Variants in ZFYVE28 observed in about 807,000 individuals in gnomAD.
ZFYVE28 encodes zinc finger FYVE-type containing 28.
ZFYVE28 carries 40 observed loss-of-function variants against 82.1 expected under a neutral mutation model. The observed-to-expected ratio is 0.49, with a 90% CI of 0.38 to 0.63. The LOEUF is 0.63. Among genes scored for constraint, ZFYVE28 ranks in the 30% least tolerant of loss-of-function variants. ZFYVE28 has a pLI of 0.00. For synonymous variants in ZFYVE28, 612 were observed against 546.1 expected (o/e 1.12, Z -1.68); for missense variants, 1,321 against 1,242.1 (o/e 1.06, Z -0.96).
chr4:2,309,100 T>C (rs1034336769), intron 7 of ZFYVE28, among the ~76,000 whole-genome samples: 7 of 152,200 alleles, frequency 4.6e-5, no homozygotes, highest in African/African-American at 1.7e-4. Flanking sequence ...TTAGAGGTGG[T>C]GTCTTTAAGA....
intron 7 of ZFYVE28, among the ~76,000 whole-genome samples, chr4:2,309,927 T>C (rs182195279): frequency 1.3e-5 from 2 of 152,364 alleles, no homozygotes; most frequent in East Asian, 3.9e-4. Flanking sequence ...CAAATGCTTT[T>C]CTTGAATCTT....
At chr4:2,319,854 T>C (rs1474044172) in intron 7 of ZFYVE28, among the ~76,000 whole-genome samples, 4 of 145,076 alleles carry the variant, frequency 2.8e-5, no homozygotes, top group African/African-American at 5.2e-5. Context: ...ACGGTGGGGA[T>C]GGTGGGGACA....
intron 1 of ZFYVE28, among the ~76,000 whole-genome samples, chr4:2,399,435 C>A (rs57114230): frequency 6.6e-6 from 1 of 152,038 alleles, no homozygotes; most frequent in Non-Finnish European, 1.5e-5. Flanking sequence ...TCCCCTACCA[C>A]GCCCCTGACC....
At chr4:2,357,464 T>A (rs981711633) in intron 1 of ZFYVE28, among the ~76,000 whole-genome samples, 2 of 152,172 alleles carry the variant, frequency 1.3e-5, no homozygotes, top group African/African-American at 4.8e-5. Context: ...GCCCAAGGCC[T>A]GCATGAGACC....
intron 7 of ZFYVE28, among the ~76,000 whole-genome samples, chr4:2,306,353 G>A (rs927367348): frequency 6.6e-6 from 1 of 152,236 alleles, no homozygotes; most frequent in African/African-American, 2.4e-5. Flanking sequence ...TTGCAGAGCT[G>A]GGCAGAACTT....
chr4:2,309,355 C>T (rs1013126560), intron 7 of ZFYVE28, among the ~76,000 whole-genome samples: 5 of 152,160 alleles, frequency 3.3e-5, no homozygotes, highest in Non-Finnish European at 7.3e-5. Flanking sequence ...AACCTCCTTG[C>T]TTTATAAATT....
At position 2,409,080 on chromosome 4, in the gene ZFYVE28, A is replaced by AACG. The variant is rs1732236254; in HGVS notation, c.39+9202_39+9204dup. Among the ~76,000 whole-genome samples, 1 of 151,982 alleles carries AACG rather than the reference A, an allele frequency of 6.6e-6. No individual in the cohort carries two copies. Among genetic ancestry groups the AACG allele is most frequent in the Admixed American group, 6.6e-5 (1 of 15,258 alleles). ...TTACGCGGTCTGTGACACAGCCCTG[A>AACG]ACGCCCCTGGCCCCCCACCCTCACA... On this transcript the variant is annotated intron_variant, in intron 1 of 12. Coordinates refer to ENST00000290974, the MANE Select transcript of ZFYVE28 (RefSeq NM_020972.3). This position sits in a 1 kb window ranked among gnomAD's most constrained non-coding sequence, Gnocchi z 4.4.
chr4:2,302,519 T>C (rs1715712003), intron 8 of ZFYVE28, among the ~76,000 whole-genome samples: 1 of 152,198 alleles, frequency 6.6e-6, no homozygotes, highest in South Asian at 2.1e-4. Context: ...GGAACCCACA[T>C]CCACAGCTGC....
chr4:2,356,142 T>C (rs1725276069), intron 1 of ZFYVE28, among the ~76,000 whole-genome samples: 1 of 152,140 alleles, frequency 6.6e-6, no homozygotes, highest in African/African-American at 2.4e-5. Context: ...CCCAGACCCC[T>C]GGGGTGGGGA....
intron 6 of ZFYVE28, among the ~76,000 whole-genome samples, chr4:2,322,439 G>C (rs1719227404): frequency 6.6e-6 from 1 of 152,092 alleles, no homozygotes; most frequent in Non-Finnish European, 1.5e-5. Flanking sequence ...TGGTGAGCCT[G>C]GCAGGCTGGA....
At chr4:2,334,456 G>A (rs932496517) in intron 6 of ZFYVE28, among the ~76,000 whole-genome samples, 5 of 151,862 alleles carry the variant, frequency 3.3e-5, no homozygotes, top group African/African-American at 7.3e-5. Flanking sequence ...CCACCGCCCC[G>A]CGTGCTCCCA....
At position 2,361,793 on chromosome 4, in the gene ZFYVE28, G is replaced by A. The variant is rs560269807; in HGVS notation, c.40-7720C>T. Among the ~76,000 whole-genome samples the A allele has an allele frequency of 2.0e-5, 3 of 152,276 alleles. No individual in the cohort carries two copies. In the East Asian group the frequency reaches 5.8e-4, roughly 29 times the overall value. ...AGGACTGGATCCCTTTCACACTCTT[G>A]TTTGCCAAATATGACATAAATCCTG... is the stretch of plus-strand genomic sequence containing the variant. On this transcript the variant is annotated intron_variant, in intron 1 of 12. Coordinates refer to ENST00000290974, the MANE Select transcript of ZFYVE28 (RefSeq NM_020972.3).
chr4:2,382,242 A>G (rs906178363), intron 1 of ZFYVE28, among the ~76,000 whole-genome samples: 1 of 152,222 alleles, frequency 6.6e-6, no homozygotes, highest in Non-Finnish European at 1.5e-5. Context: ...CAGAGTCCCT[A>G]CTGGGCACCA....
intron 1 of ZFYVE28, among the ~76,000 whole-genome samples, chr4:2,399,052 GC>G (rs1319829971): frequency 7.9e-5 from 9 of 113,488 alleles, no homozygotes; most frequent in African/African-American, 3.2e-4. Flanking sequence ...CAGGGCACAA[GC>G]GTGGAGGTGA....
At chr4:2,337,378 C>T (rs777899088) in intron 5 of ZFYVE28, 29 bp downstream of exon 5, 5 of 1,570,224 alleles carry the variant, frequency 3.2e-6, no homozygotes, top group Non-Finnish European at 4.3e-6. Flanking sequence ...CAGATGCTGC[C>T]CCCAGCCCCT....
In ZFYVE28 at chr4:2,416,169, G is replaced by A. The variant is rs967929763; in HGVS notation, c.39+2116C>T. Among the ~76,000 whole-genome samples, 1 of 152,202 alleles carries A rather than the reference G, an allele frequency of 6.6e-6. No homozygotes were observed. Among genetic ancestry groups the A allele is most frequent in the Non-Finnish European group, 1.5e-5 (1 of 68,024 alleles). The stretch of plus-strand genomic sequence containing the variant: ...CTGCCTGCTGAAGAGGAAAAGTTGG[G>A]AACGCAATTCCTAATTCTCAGGACA... On this transcript the variant is annotated intron_variant, in intron 1 of 12. Coordinates refer to ENST00000290974, the MANE Select transcript of ZFYVE28 (RefSeq NM_020972.3). This position sits in a 1 kb window ranked among gnomAD's most constrained non-coding sequence, Gnocchi z 4.6.
Position 2,341,697 on chromosome 4 carries a change from T to A in ZFYVE28, c.181-82A>T, listed in dbSNP as rs779519585. The A allele has an allele frequency of 2.3e-5, 36 of 1,532,726 alleles. No homozygotes were observed. Among genetic ancestry groups the A allele is most frequent in the Non-Finnish European group, 2.9e-5 (33 of 1,126,706 alleles). 94.9% of individuals were successfully genotyped at this position (1,532,726 alleles called of 1,614,324 possible). On this transcript the variant is annotated intron_variant, in intron 2 of 12. Transcript: ENST00000290974. This position sits in a 1 kb window ranked among gnomAD's most constrained non-coding sequence, Gnocchi z 4.5. ...ATGTACTGCTGGAAAACACGCACGG[T>A]GCATGTGACTGTTTTTTAGGATTAT... is the stretch of plus-strand genomic sequence containing the variant.
At chr4:2,403,971 GAA>G (rs35312512) in intron 1 of ZFYVE28, among the ~76,000 whole-genome samples, 231 of 128,936 alleles carry the variant, frequency 1.8e-3, no homozygotes, top group South Asian at 9.1e-3. Context: ...CTCCATTTCG[GAA>G]AAAAAAAAAA....
Position 2,418,450 on chromosome 4 carries a change from G to A in ZFYVE28, c.-127C>T, listed in dbSNP as rs1382222276. ...GCCCCCGCGCTGTCGCAGGGAGGCTGGCTAGCGAAGCCCGGAGCGCCGAGC... is the reference window on the plus strand; with the variant it reads ...GCCCCCGCGCTGTCGCAGGGAGGCTAGCTAGCGAAGCCCGGAGCGCCGAGC... On this transcript the variant is annotated 5_prime_UTR_variant, in exon 1 of 13. Coordinates refer to ENST00000290974, the MANE Select transcript of ZFYVE28 (RefSeq NM_020972.3). The surrounding 1 kb of genome is among the most constrained non-coding windows in gnomAD (Gnocchi z 4.6). 8 of 731,842 alleles carry A rather than the reference G, an allele frequency of 1.1e-5. No individual in the cohort carries two copies. The highest frequency in any genetic ancestry group is 1.4e-5 in the Non-Finnish European group (8 of 584,998). 45.3% of individuals were successfully genotyped at this position (731,842 alleles called of 1,614,324 possible).
Sources: allele counts gnomAD v4.1 joint callset (sites outside exome capture counted in the v4.1 genomes callset), GRCh38; gene constraint gnomAD v4.1.1; non-coding constraint Gnocchi (gnomAD v3.1); transcripts MANE v1.5; gene names NCBI Gene and HGNC (gene_info 2026-07-23, HGNC 2026-07-21).